The following DNAJB2 variants were observed in gnomAD, a reference collection of about 807,000 sequenced individuals.
The protein encoded by DNAJB2 is dnaJ homolog subfamily B member 2.
A neutral mutation model predicts 33.3 loss-of-function variants in DNAJB2; 19 were observed. The observed-to-expected ratio is 0.57, with a 90% CI of 0.40 to 0.84. The LOEUF (loss-of-function observed/expected upper bound fraction) is 0.84. DNAJB2 is among the 40% of genes least tolerant of loss of function. The pLI is 0.00. For synonymous variants in DNAJB2, 172 were observed against 164.6 expected (o/e 1.04, Z -0.34); for missense variants, 368 against 430.9 (o/e 0.85, Z 1.29).
At chr2:219,283,733 T>C (rs1951928358) in intron 8 of DNAJB2, among the ~76,000 whole-genome samples, 1 of 152,184 alleles carries the variant, frequency 6.6e-6, no homozygotes, top group African/African-American at 2.4e-5. Context: ...TTTAAAGCAC[T>C]TCCAGATATA....
chr2:219,285,178 A>G lies in DNAJB2; in HGVS notation c.*191A>G. ...TTGCTGTGCTCAGCCCAGGGCTGAT[A>G]GGTCCCTGGTGAAGCCCAGGGTGGG... On this transcript the variant is annotated 3_prime_UTR_variant, in exon 9 of 9. Coordinates refer to ENST00000336576, the MANE Select transcript of DNAJB2 (RefSeq NM_006736.6). 7.8e-7 allele frequency: 1 copy of G among 1,281,016 alleles called. No homozygotes were observed. The highest frequency in any genetic ancestry group is 1.5e-5 in the African/African-American group (1 of 66,906). 79.4% of individuals were successfully genotyped at this position (1,281,016 alleles called of 1,614,324 possible). A position where few individuals can be genotyped will look rare whatever the true frequency, so the allele number is the denominator to read the frequency against.
chr2:219,286,262 G>A lies in DNAJB2; in HGVS notation c.*1275G>A. 2.0e-6 allele frequency: 1 copy of A among 496,838 alleles called. No homozygotes were observed. The highest frequency in any genetic ancestry group is 3.2e-5 in the South Asian group (1 of 31,528). The allele number at this position is 496,838 out of a possible 1,614,324, so 30.8% of individuals were successfully genotyped here. On this transcript the variant is annotated 3_prime_UTR_variant, in exon 9 of 9. Coordinates refer to ENST00000336576, the MANE Select transcript of DNAJB2 (RefSeq NM_006736.6). ...TCATTTCTGATAGATCCCGCTTGGG[G>A]GAGGTGGTGTATGGTTACGGAGCTG...
chr2:219,285,900 C>T lies in DNAJB2; in HGVS notation c.*913C>T. The T allele has an allele frequency of 6.3e-7, 1 of 1,577,128 alleles. No individual in the cohort carries two copies. Among genetic ancestry groups the T allele is most frequent in the Non-Finnish European group, 8.6e-7 (1 of 1,163,594 alleles). On this transcript the variant is annotated 3_prime_UTR_variant, in exon 9 of 9. Transcript: ENST00000336576. The stretch of plus-strand genomic sequence containing the variant: ...CAGGGCTCAGGGAGAGGCCATGCGG[C>T]CAGCCCAGGTCTGCATGCTGAGCCC...
At chr2:219,280,458 A>C (rs1198356571) in intron 2 of DNAJB2, 120 bp from the exon 3 acceptor site, 13 of 705,940 alleles carry the variant, frequency 1.8e-5, no homozygotes, top group Non-Finnish European at 3.1e-5. Context: ...GCTGGGGTGG[A>C]CTGGGACCCG....
rs1485712437 is a variant in DNAJB2 at position 219,285,222 on chromosome 2, G to A, written c.*235G>A. ...GGGTGGGGGGTGTCAGGGCAGTGGA[G>A]GGGCCCGAGGAGCCAGGTTGCATTT... On this transcript the variant is annotated 3_prime_UTR_variant, in exon 9 of 9. Transcript: ENST00000336576. 2 of 1,229,314 alleles carry A rather than the reference G, an allele frequency of 1.6e-6. No individual in the cohort carries two copies. The highest frequency in any genetic ancestry group is 3.9e-5 in the Admixed American group (1 of 25,528). The allele number at this position is 1,229,314 out of a possible 1,614,324, so 76.2% of individuals were successfully genotyped here.
rs1463158385 is a variant in DNAJB2 at position 219,279,422 on chromosome 2, T to A, written c.-133T>A. 1 of 173,674 alleles carries A rather than the reference T, an allele frequency of 5.8e-6. No individual in the cohort carries two copies. The highest frequency in any genetic ancestry group is 2.4e-5 in the African/African-American group (1 of 41,848). The allele number at this position is 173,674 out of a possible 1,614,324, so 10.8% of individuals were successfully genotyped here. A position where few individuals can be genotyped will look rare whatever the true frequency, so the allele number is the denominator to read the frequency against. On this transcript the variant is annotated 5_prime_UTR_variant, in exon 1 of 9. Transcript: ENST00000336576. The surrounding 1 kb of genome is among the most constrained non-coding windows in gnomAD (Gnocchi z 4.9). Reference sequence around the variant, plus strand: ...GCGCACAGCTGGGCCGGGCGCGTCCTACGCAGCAGCCGCGAGCCGGGCTGC... The same window carrying A: ...GCGCACAGCTGGGCCGGGCGCGTCCAACGCAGCAGCCGCGAGCCGGGCTGC...
Position 219,283,181 on chromosome 2 carries a change from G to A in DNAJB2, c.494G>A (p.Arg165His), listed in dbSNP as rs769095774. The A allele has an allele frequency of 1.4e-5, 22 of 1,614,060 alleles. No homozygotes were observed. Among genetic ancestry groups the A allele is most frequent in the East Asian group, 2.2e-5 (1 of 44,896 alleles). ...TTCAGTCCTGGGGCTGGTGCTTTTC[G>A]CTCTGTTTCTACATCTACCACCTTT... ...FSFSPGAGAF[R>H]SVSTSTTFVQ... The change falls in exon 7 of 9, where the codon CGC (arginine) becomes CAC (histidine). Residue 165 changes from arginine (R) to histidine (H), a missense_variant. Transcript: ENST00000336576.
At chr2:219,281,622 C>T in intron 3 of DNAJB2, 96 bp from the exon 4 acceptor site, 2 of 1,541,070 alleles carry the variant, frequency 1.3e-6, no homozygotes, top group East Asian at 4.5e-5. Context: ...CGCCAAGTGT[C>T]AGAGTGTCAG....
In DNAJB2 at chr2:219,282,770, T is replaced by G. The variant is rs1951916876; in HGVS notation, c.353-67T>G. 3 of 1,448,248 alleles carry G rather than the reference T, an allele frequency of 2.1e-6. No individual in the cohort carries two copies. In the South Asian group the frequency reaches 4.4e-5, roughly 21 times the overall value. 89.7% of individuals were successfully genotyped at this position (1,448,248 alleles called of 1,614,324 possible). A position where few individuals can be genotyped will look rare whatever the true frequency, so the allele number is the denominator to read the frequency against. ...GCTTAGTGGTTTATACTTCCAGACTTGGGCTCACACACTTTTGAGGGGAAA... is the reference window on the plus strand; with the variant it reads ...GCTTAGTGGTTTATACTTCCAGACTGGGGCTCACACACTTTTGAGGGGAAA... On this transcript the variant is annotated intron_variant, in intron 5 of 8. Coordinates refer to ENST00000336576, the MANE Select transcript of DNAJB2 (RefSeq NM_006736.6).
rs1004736070 is a variant in DNAJB2, at chr2:219,285,875, C to G, written c.*888C>G. On this transcript the variant is annotated 3_prime_UTR_variant, in exon 9 of 9. Transcript: ENST00000336576. Reference sequence around the variant, plus strand: ...CCCATACTGCTTCCCTACCACAAATCAGGGCTCAGGGAGAGGCCATGCGGC... The same window carrying G: ...CCCATACTGCTTCCCTACCACAAATGAGGGCTCAGGGAGAGGCCATGCGGC... 1 of 1,523,436 alleles carries G rather than the reference C, an allele frequency of 6.6e-7. No homozygotes were observed. The highest frequency in any genetic ancestry group is 1.4e-5 in the African/African-American group (1 of 73,210). The allele number at this position is 1,523,436 out of a possible 1,614,324, so 94.4% of individuals were successfully genotyped here.
rs1251702254 is a variant in DNAJB2, at chr2:219,283,245, C to G, written c.548+10C>G. 1.2e-6 allele frequency: 2 copies of G among 1,614,180 alleles called. No individual in the cohort carries two copies. The highest frequency in any genetic ancestry group is 1.7e-6 in the Non-Finnish European group (2 of 1,179,990). On this transcript the variant is annotated intron_variant, in intron 7 of 8. Coordinates refer to ENST00000336576, the MANE Select transcript of DNAJB2 (RefSeq NM_006736.6). ...GCATCACCACACGCAGGTGAGAGCT[C>G]CTTCTGGGGCCATAGAGGGGTGAGA...
chr2:219,286,133 G>GC lies in DNAJB2; in HGVS notation c.*1148dup. The stretch of plus-strand genomic sequence containing the variant: ...GCCGGGGCCTGGGTGGCGGGTGGGG[G>GC]CCGGGTGGGAGGTGGCAGTAGTCTT... On this transcript the variant is annotated 3_prime_UTR_variant, in exon 9 of 9. Coordinates refer to ENST00000336576, the MANE Select transcript of DNAJB2 (RefSeq NM_006736.6). The GC allele has an allele frequency of 3.2e-6, 2 of 620,292 alleles. No individual in the cohort carries two copies. The highest frequency in any genetic ancestry group is 4.9e-6 in the Non-Finnish European group (2 of 410,376). The allele number at this position is 620,292 out of a possible 1,614,324, so 38.4% of individuals were successfully genotyped here.
Position 219,281,756 on chromosome 2 carries a change from G to A in DNAJB2, c.214G>A (p.Gly72Arg). The change falls in exon 4 of 9, where the codon GGG becomes AGG. Residue 72 changes from glycine (G) to arginine (R), a missense_variant. Coordinates refer to ENST00000336576, the MANE Select transcript of DNAJB2 (RefSeq NM_006736.6). The part of the protein sequence containing the change: ...REIYDRYGRE[G>R]LTGTGTGPSR... ...GATTTACGACCGCTATGGCCGGGAA[G>A]GGCTGACAGGGACAGGTAGGTGGAG... 1 of 1,614,090 alleles carries A rather than the reference G, an allele frequency of 6.2e-7. No homozygotes were observed. Among genetic ancestry groups the A allele is most frequent in the Non-Finnish European group, 8.5e-7 (1 of 1,180,042 alleles).
chr2:219,286,395 G>A lies in DNAJB2; in HGVS notation c.*1408G>A. 5.1e-6 allele frequency: 1 copy of A among 196,596 alleles called. No homozygotes were observed. Among genetic ancestry groups the A allele is most frequent in the Non-Finnish European group, 1.1e-5 (1 of 93,670 alleles). 12.2% of individuals were successfully genotyped at this position (196,596 alleles called of 1,614,324 possible). On this transcript the variant is annotated 3_prime_UTR_variant, in exon 9 of 9. Transcript: ENST00000336576. ...TAGGGCTGGCAGGGTTGTAGATGAA[G>A]GGGGAATGATCTGAGCCTTGGTTCC...
chr2:219,284,609 CATG>C lies in DNAJB2; in HGVS notation c.620-22_620-20del, dbSNP rs1064795998. ...ATACCCCTGGCTCAGGTTGGGGCCT[CATG>C]GTGGCTGTGACTCTTGCAGGTGTCC... On this transcript the variant is annotated intron_variant, in intron 8 of 8. Coordinates refer to ENST00000336576, the MANE Select transcript of DNAJB2 (RefSeq NM_006736.6). 5.1e-6 allele frequency: 8 copies of C among 1,561,824 alleles called. No homozygotes were observed. Among genetic ancestry groups the C allele is most frequent in the East Asian group, 4.5e-5 (2 of 44,156 alleles).
In DNAJB2 at chr2:219,282,906, C is replaced by T. The variant is rs759970673; in HGVS notation, c.422C>T (p.Ser141Phe). The T allele has an allele frequency of 2.5e-6, 4 of 1,604,750 alleles. No individual in the cohort carries two copies. The highest frequency in any genetic ancestry group is 2.2e-5 in the South Asian group (2 of 89,568). ...SRHSGPFFTF[S>F]SSFPGHSDFS... ...CACTCAGGCCCCTTCTTTACCTTCTCTTCCTCCTTCCCTGGGCACTCCGGT... is the reference window on the plus strand; with the variant it reads ...CACTCAGGCCCCTTCTTTACCTTCTTTTCCTCCTTCCCTGGGCACTCCGGT... The change falls in exon 6 of 9, where the codon TCT (serine) becomes TTT (phenylalanine). Residue 141 changes from serine (S) to phenylalanine (F), a missense_variant. Coordinates refer to ENST00000336576, the MANE Select transcript of DNAJB2 (RefSeq NM_006736.6).
In DNAJB2 at chr2:219,281,718, A is replaced by G. The variant is rs1367297130; in HGVS notation, c.176A>G (p.Lys59Arg). ...VAEAYEVLSD[K>R]HKREIYDRYG... ...GAAATGATCTGGTCTCTTTTTGCAG[A>G]GCACAAGCGGGAGATTTACGACCGC... The change falls in exon 4 of 9, where the codon AAG becomes AGG. Residue 59 changes from lysine to arginine, a missense_variant and splice_region_variant. Physicochemically the swap from Lys to Arg is conservative, Grantham distance 26. Coordinates refer to ENST00000336576, the MANE Select transcript of DNAJB2 (RefSeq NM_006736.6). The G allele has an allele frequency of 3.1e-6, 5 of 1,613,974 alleles. 1 individual carries two copies. In the Admixed American group the frequency reaches 8.3e-5, roughly 27 times the overall value.
Position 219,279,658 on chromosome 2 carries a change from A to G in DNAJB2, c.-37+140A>G, listed in dbSNP as rs1574898845. ...GGGGGCAGATAAGGCTGCCGGAGGG[A>G]GCCTAGTCACCGGCCGCAAGCAGAG... is the stretch of plus-strand genomic sequence containing the variant. On this transcript the variant is annotated intron_variant, in intron 1 of 8. Coordinates refer to ENST00000336576, the MANE Select transcript of DNAJB2 (RefSeq NM_006736.6). The surrounding 1 kb of genome is among the most constrained non-coding windows in gnomAD (Gnocchi z 4.9). 1 of 636,714 alleles carries G rather than the reference A, an allele frequency of 1.6e-6. No homozygotes were observed. The highest frequency in any genetic ancestry group is 2.7e-6 in the Non-Finnish European group (1 of 371,164). The allele number at this position is 636,714 out of a possible 1,614,324, so 39.4% of individuals were successfully genotyped here.
At position 219,286,486 on chromosome 2, in the gene DNAJB2, G is replaced by C. The variant is rs1466925995; in HGVS notation, c.*1499G>C. On this transcript the variant is annotated 3_prime_UTR_variant, in exon 9 of 9. Coordinates refer to ENST00000336576, the MANE Select transcript of DNAJB2 (RefSeq NM_006736.6). ...GCAGAGCCGCGCAGCACCTGGGAGC[G>C]GTACCTTTCCCTTGGGCAGCCTGGG... 1.3e-5 allele frequency: 2 copies of C among 155,282 alleles called. No individual in the cohort carries two copies. The highest frequency in any genetic ancestry group is 4.8e-5 in the African/African-American group (2 of 41,578). The allele number at this position is 155,282 out of a possible 1,614,324, so 9.6% of individuals were successfully genotyped here.
Sources: gnomAD v4.1 joint callset for allele counts (sites outside exome capture counted in the v4.1 genomes callset) on GRCh38, gnomAD v4.1.1 for gene constraint, Gnocchi (gnomAD v3.1) non-coding constraint, MANE v1.5 for transcripts, NCBI Gene and HGNC (gene_info 2026-07-23, HGNC 2026-07-21) for gene names.